The following STK33 variants were observed in gnomAD, a reference collection of about 807,000 sequenced individuals.
STK33 encodes serine/threonine-protein kinase 33.
Under a neutral mutation model 58.0 loss-of-function variants are expected in STK33, and 52 were observed. The ratio of observed to expected loss-of-function variants is 0.90; its 90% CI spans 0.72 to 1.13. The LOEUF is 1.13. Among genes scored for constraint, STK33 ranks in the 50% most tolerant of loss-of-function variants. The pLI, the probability that STK33 is intolerant of heterozygous loss-of-function variation, is 0.00. For synonymous variants in STK33, 215 were observed against 200.1 expected (o/e 1.07, Z -0.63); for missense variants, 630 against 604.2 (o/e 1.04, Z -0.45).
intron 11 of STK33, among the ~76,000 whole-genome samples, chr11:8,447,030 C>G (rs914157343): frequency 2.6e-5 from 4 of 152,130 alleles, no homozygotes; most frequent in African/African-American, 9.7e-5. Flanking sequence ...AGTGAACAGG[C>G]AACCTAGAGA....
At chr11:8,419,967 T>G (rs1234548554) in intron 14 of STK33, among the ~76,000 whole-genome samples, 1 of 152,126 alleles carries the variant, frequency 6.6e-6, no homozygotes, top group Non-Finnish European at 1.5e-5. Context: ...TTACCTTAAT[T>G]TATTTTATTA....
the STK33 span, among the ~76,000 whole-genome samples, chr11:8,386,267 A>C: frequency 6.6e-6 from 1 of 152,222 alleles, no homozygotes; most frequent in African/African-American, 2.4e-5. Flanking sequence ...ACAGTAATGA[A>C]GCCTGGTCAG....
downstream of STK33, among the ~76,000 whole-genome samples, chr11:8,388,712 C>T (rs1848577691): frequency 6.6e-6 from 1 of 152,194 alleles, no homozygotes; most frequent in Admixed American, 6.5e-5. Flanking sequence ...CAGCAAGCAG[C>T]CAGTGTAGGG....
intron 1 of STK33, among the ~76,000 whole-genome samples, chr11:8,578,964 T>C (rs550930278): frequency 1.3e-5 from 2 of 152,188 alleles, no homozygotes; most frequent in Admixed American, 6.5e-5. Context: ...CAATCAGGTA[T>C]ATAAAACAAT....
the STK33 span, among the ~76,000 whole-genome samples, chr11:8,361,869 G>T: frequency 6.6e-6 from 1 of 152,244 alleles, no homozygotes; most frequent in African/African-American, 2.4e-5. The surrounding 1 kb of genome is among the most constrained non-coding windows in gnomAD (Gnocchi z 4.8). Context: ...TGCCCCATAT[G>T]TCAGTGGGCA....
chr11:8,360,261 T>A, the STK33 span, among the ~76,000 whole-genome samples: 1 of 152,196 alleles, frequency 6.6e-6, no homozygotes, highest in Non-Finnish European at 1.5e-5. Context: ...AGGATGCTGG[T>A]CAGCAAGGGA....
chr11:8,450,085 T>C (rs920890008), intron 11 of STK33, among the ~76,000 whole-genome samples: 2 of 152,188 alleles, frequency 1.3e-5, no homozygotes, highest in Admixed American at 6.5e-5. Context: ...TAAATCATTC[T>C]ACTGTAAGGA....
chr11:8,367,657 C>T, the STK33 span, among the ~76,000 whole-genome samples: 10 of 152,180 alleles, frequency 6.6e-5, no homozygotes, highest in African/African-American at 9.7e-5. Context: ...GCTACACACA[C>T]TCACATAATC....
At chr11:8,435,644 AT>A in intron 13 of STK33, 65 bp from the exon 14 acceptor site, 5 of 968,508 alleles carry the variant, frequency 5.2e-6, no homozygotes, top group South Asian at 4.5e-5. Context: ...ACATTTTACA[AT>A]TTTTTAGGAT....
At chr11:8,434,565 C>T (rs1287853753) in intron 14 of STK33, among the ~76,000 whole-genome samples, 2 of 152,118 alleles carry the variant, frequency 1.3e-5, no homozygotes, top group East Asian at 1.9e-4. Context: ...GTCTGTTTCC[C>T]GTTCATATAA....
At chr11:8,510,163 C>T (rs1952194363) in intron 1 of STK33, among the ~76,000 whole-genome samples, 2 of 152,090 alleles carry the variant, frequency 1.3e-5, no homozygotes, top group Non-Finnish European at 2.9e-5. Flanking sequence ...CACACCAGCA[C>T]CTATTATTTT....
At chr11:8,375,348 C>T in the STK33 span, among the ~76,000 whole-genome samples, 1 of 152,120 alleles carries the variant, frequency 6.6e-6, no homozygotes, top group East Asian at 1.9e-4. Flanking sequence ...CATTTCTATC[C>T]CATGGCTACC....
In STK33 at chr11:8,507,743, A is replaced by T. The variant is rs949050609; in HGVS notation, c.-465-27129T>A. 3.2e-4 allele frequency among the ~76,000 whole-genome samples: 48 copies of T among 152,322 alleles called. 1 individual carries two copies. Among genetic ancestry groups the T allele is most frequent in the African/African-American group, 1.1e-3 (46 of 41,580 alleles). ...TTAATACAAACTGACAACTGAGGCA[A>T]ATATAATAATTCCACAAGCATTTAA... On this transcript the variant is annotated intron_variant, in intron 1 of 15. Coordinates refer to ENST00000687296, the MANE Select transcript of STK33 (RefSeq NM_001352389.2).
intron 7 of STK33, 150 bp downstream of exon 7, chr11:8,464,559 C>A: frequency 2.1e-6 from 1 of 468,074 alleles, no homozygotes; most frequent in Non-Finnish European, 3.8e-6. Flanking sequence ...TTCCGGGAGG[C>A]TAGAGAAATG....
chr11:8,351,410 G>C, the STK33 span, among the ~76,000 whole-genome samples: 1 of 152,208 alleles, frequency 6.6e-6, no homozygotes, highest in Non-Finnish European at 1.5e-5. Context: ...ATCAGGACCC[G>C]GTGGCCATCA....
intron 1 of STK33, among the ~76,000 whole-genome samples, chr11:8,585,995 G>A (rs961049129): frequency 6.6e-6 from 1 of 152,098 alleles, no homozygotes. Flanking sequence ...GGAGTTTGCA[G>A]TGAACCAAGA....
At chr11:8,537,444 T>G (rs1955125255) in intron 1 of STK33, among the ~76,000 whole-genome samples, 1 of 152,138 alleles carries the variant, frequency 6.6e-6, no homozygotes, top group Admixed American at 6.6e-5. Context: ...ACTGAAGCAT[T>G]TTTTACCATG....
chr11:8,375,454 A>T, the STK33 span, among the ~76,000 whole-genome samples: 2 of 152,216 alleles, frequency 1.3e-5, no homozygotes, highest in Non-Finnish European at 2.9e-5. Context: ...TGTTAATTTA[A>T]GTAACTGGCC....
intron 1 of STK33, among the ~76,000 whole-genome samples, chr11:8,515,760 A>G (rs1455621555): frequency 1.3e-5 from 2 of 152,234 alleles, no homozygotes; most frequent in African/African-American, 2.4e-5. Flanking sequence ...GATGCAGAGA[A>G]GCATTTGGAT....
Sources: gnomAD v4.1 joint callset for allele counts (sites outside exome capture counted in the v4.1 genomes callset) on GRCh38, gnomAD v4.1.1 for gene constraint, Gnocchi (gnomAD v3.1) non-coding constraint, MANE v1.5 for transcripts, NCBI Gene and HGNC (gene_info 2026-07-23, HGNC 2026-07-21) for gene names.